UNC5C: variants seen among roughly 807,000 people sequenced by gnomAD.
UNC5C encodes unc-5 netrin receptor C.
A neutral mutation model predicts 99.8 loss-of-function variants in UNC5C; 47 were observed. The observed-to-expected ratio is 0.47, with a 90% CI of 0.37 to 0.60. UNC5C has a LOEUF of 0.60. Among genes scored for constraint, UNC5C ranks in the 20% least tolerant of loss-of-function variants. The pLI, the probability that UNC5C is intolerant of heterozygous loss-of-function variation, is 0.00. For synonymous variants in UNC5C, 487 were observed against 452.2 expected (o/e 1.08, Z -0.98); for missense variants, 1,062 against 1,165.9 (o/e 0.91, Z 1.30).
At chr4:95,543,746 G>C (rs924073039) in intron 1 of UNC5C, among the ~76,000 whole-genome samples, 1 of 152,172 alleles carries the variant, frequency 6.6e-6, no homozygotes, top group Admixed American at 6.5e-5. Context: ...AAAATAGAAA[G>C]TCAAGGACGA....
At chr4:95,178,985 C>CTAT (rs1736485538) in intron 14 of UNC5C, among the ~76,000 whole-genome samples, 1 of 152,128 alleles carries the variant, frequency 6.6e-6, no homozygotes, top group African/African-American at 2.4e-5. Context: ...ATTTTAGTTG[C>CTAT]TATTAGTTCT....
intron 4 of UNC5C, among the ~76,000 whole-genome samples, chr4:95,268,340 C>T (rs1396232735): frequency 6.6e-6 from 1 of 152,180 alleles, no homozygotes; most frequent in African/African-American, 2.4e-5. Flanking sequence ...AAATAAACAA[C>T]ATCCCTGCAT....
At position 95,335,353 on chromosome 4, in the gene UNC5C, C is replaced by T. The variant is rs892829548; in HGVS notation, c.346+57G>A. Reference sequence around the variant, plus strand: ...ATTGAAATAACAGTATGTCCACATGCTAGAGTAGTGAGTAAGTGAATCTTG... The same window carrying T: ...ATTGAAATAACAGTATGTCCACATGTTAGAGTAGTGAGTAAGTGAATCTTG... On this transcript the variant is annotated intron_variant, in intron 2 of 15. Transcript: ENST00000453304. 4.8e-6 allele frequency: 7 copies of T among 1,464,180 alleles called. No individual in the cohort carries two copies. The East Asian group carries it at 1.1e-4, about 24-fold the overall frequency. 90.7% of individuals were successfully genotyped at this position (1,464,180 alleles called of 1,614,324 possible).
intron 1 of UNC5C, among the ~76,000 whole-genome samples, chr4:95,426,720 T>A (rs1746498820): frequency 6.6e-6 from 1 of 152,192 alleles, no homozygotes; most frequent in Non-Finnish European, 1.5e-5. Flanking sequence ...ATCAAACCAG[T>A]CATAACATTC....
At chr4:95,255,522 C>A (rs1262267672) in intron 4 of UNC5C, among the ~76,000 whole-genome samples, 1 of 152,168 alleles carries the variant, frequency 6.6e-6, no homozygotes, top group African/African-American at 2.4e-5. Flanking sequence ...AACTGACAAT[C>A]ACAAGACATC....
At chr4:95,315,781 C>T (rs10856912) in intron 2 of UNC5C, among the ~76,000 whole-genome samples, 124,007 of 152,178 alleles carry the variant, frequency 0.81, 50,635 homozygotes, top group Middle Eastern at 0.86. Flanking sequence ...GGAAAATTAA[C>T]GGATAGGAAT....
Position 95,178,438 on chromosome 4 carries a change from ACTGC to A in UNC5C, c.2451+4455_2451+4458del, listed in dbSNP as rs934478633. On this transcript the variant is annotated intron_variant, in intron 14 of 15. Transcript: ENST00000453304. ...TGCACATTGGCTGTATTTGTAGGTT[ACTGC>A]CTTTTATTTCTCACATTTCTTTCTT... Among the ~76,000 whole-genome samples the A allele has an allele frequency of 3.4e-4, 49 of 144,052 alleles. No individual in the cohort carries two copies. In the South Asian group the frequency reaches 6.0e-3, roughly 18 times the overall value. The allele number at this position is 144,052 out of a possible 152,430, so 94.5% of individuals were successfully genotyped here.
At chr4:95,180,484 CAGTT>C (rs200794117) in intron 14 of UNC5C, among the ~76,000 whole-genome samples, 12 of 152,204 alleles carry the variant, frequency 7.9e-5, no homozygotes, top group African/African-American at 9.6e-5. Context: ...TGTGTCAATA[CAGTT>C]AGTTAGTCTT....
intron 1 of UNC5C, among the ~76,000 whole-genome samples, chr4:95,515,924 AATG>A (rs1332534030): frequency 6.6e-6 from 1 of 152,168 alleles, no homozygotes; most frequent in African/African-American, 2.4e-5. Flanking sequence ...AACAATCCCT[AATG>A]ATGTGGTATT....
At chr4:95,294,229 C>G (rs576009599) in intron 3 of UNC5C, among the ~76,000 whole-genome samples, 4 of 152,078 alleles carry the variant, frequency 2.6e-5, no homozygotes, top group South Asian at 4.1e-4. Context: ...TTCTATTGGA[C>G]GCTGCTGTTT....
At chr4:95,480,083 C>G (rs1721088794) in intron 1 of UNC5C, among the ~76,000 whole-genome samples, 1 of 151,536 alleles carries the variant, frequency 6.6e-6, no homozygotes, top group African/African-American at 2.4e-5. Context: ...ACTATGCCAT[C>G]AGCACTTCCA....
In UNC5C at chr4:95,490,495, A is replaced by G. The variant is rs573530882; in HGVS notation, c.124+58239T>C. ...ACTATGTCTCAGATTCTGCATGTAT[A>G]TATCTATGAAATAAGGCATAAGTAA... On this transcript the variant is annotated intron_variant, in intron 1 of 15. Coordinates refer to ENST00000453304, the MANE Select transcript of UNC5C (RefSeq NM_003728.4). Among the ~76,000 whole-genome samples, 3 of 151,860 alleles carry G rather than the reference A, an allele frequency of 2.0e-5. No individual in the cohort carries two copies. In the East Asian group the frequency reaches 5.8e-4, roughly 30 times the overall value.
At chr4:95,179,674 G>A (rs991858654) in intron 14 of UNC5C, among the ~76,000 whole-genome samples, 1 of 150,520 alleles carries the variant, frequency 6.6e-6, no homozygotes, top group African/African-American at 2.4e-5. Flanking sequence ...TTGAACCCAG[G>A]AGGCGGAGGT....
chr4:95,243,570 C>A (rs1739399858), intron 6 of UNC5C, among the ~76,000 whole-genome samples: 1 of 152,032 alleles, frequency 6.6e-6, no homozygotes, highest in Non-Finnish European at 1.5e-5. Context: ...TTCTTGAACA[C>A]CTTAACCTTT....
chr4:95,343,633 G>T (rs949341236), intron 1 of UNC5C, among the ~76,000 whole-genome samples: 6 of 151,866 alleles, frequency 4.0e-5, no homozygotes, highest in Non-Finnish European at 1.5e-5. Context: ...AGAGATATAT[G>T]ACCTTTCAGA....
intron 3 of UNC5C, among the ~76,000 whole-genome samples, chr4:95,296,017 G>T (rs757518115): frequency 2.0e-5 from 3 of 152,200 alleles, no homozygotes; most frequent in Non-Finnish European, 2.9e-5. Flanking sequence ...CTGAACCCAG[G>T]AGACAGGTTG....
chr4:95,284,599 G>A (rs1460696497), intron 3 of UNC5C, among the ~76,000 whole-genome samples: 1 of 152,028 alleles, frequency 6.6e-6, no homozygotes, highest in African/African-American at 2.4e-5. Context: ...GGAGAGAAGT[G>A]GGTTACAGAA....
chr4:95,495,626 T>C (rs1721609848), intron 1 of UNC5C, among the ~76,000 whole-genome samples: 1 of 151,712 alleles, frequency 6.6e-6, no homozygotes, highest in African/African-American at 2.4e-5. Flanking sequence ...TTAAAATCCA[T>C]ATTTTATGGA....
intron 1 of UNC5C, among the ~76,000 whole-genome samples, chr4:95,494,838 C>A (rs1185499069): frequency 6.6e-6 from 1 of 151,178 alleles, no homozygotes; most frequent in Admixed American, 6.6e-5. Flanking sequence ...TTGTAAGTAG[C>A]CAGAAGTAAC....
Sources: allele counts gnomAD v4.1 joint callset (sites outside exome capture counted in the v4.1 genomes callset), GRCh38; gene constraint gnomAD v4.1.1; transcripts MANE v1.5; gene names NCBI Gene and HGNC (gene_info 2026-07-23, HGNC 2026-07-21).